Variants in ATP9B observed in about 807,000 individuals in gnomAD.
ATP9B encodes probable phospholipid-transporting ATPase IIB.
In ATP9B, 110 loss-of-function variants were observed where a neutral mutation model predicts 146.1. That is an observed-to-expected ratio of 0.75 (90% CI 0.65 to 0.88). ATP9B has a LOEUF of 0.88. Among genes scored for constraint, ATP9B ranks in the 40% least tolerant of loss-of-function variants. ATP9B has a pLI of 0.00. For synonymous variants in ATP9B, 604 were observed against 569.7 expected (o/e 1.06, Z -0.86); for missense variants, 1,499 against 1,496.4 (o/e 1.00, Z -0.03).
intron 13 of ATP9B, among the ~76,000 whole-genome samples, chr18:79,279,108 C>T (rs926267489): frequency 1.3e-5 from 2 of 152,146 alleles, no homozygotes; most frequent in South Asian, 4.1e-4. Flanking sequence ...CCACCGTGAG[C>T]GGCGCCTGTG....
rs1322943407 is a variant in ATP9B, at chr18:79,297,637, G to C, written c.1412-5967G>C. 5.3e-5 allele frequency among the ~76,000 whole-genome samples: 8 copies of C among 152,288 alleles called. No homozygotes were observed. The South Asian group carries it at 6.2e-4, about 12-fold the overall frequency. Reference sequence around the variant, plus strand: ...TTAATTTTACTATATTTAGATGTAGGGGTTTGTACTTTACAGATCAAAAAT... The same window carrying C: ...TTAATTTTACTATATTTAGATGTAGCGGTTTGTACTTTACAGATCAAAAAT... On this transcript the variant is annotated intron_variant, in intron 13 of 29. Coordinates refer to ENST00000426216, the MANE Select transcript of ATP9B (RefSeq NM_198531.5).
chr18:79,344,490 G>C, intron 21 of ATP9B, 136 bp downstream of exon 21: 2 of 804,296 alleles, frequency 2.5e-6, no homozygotes, highest in Non-Finnish European at 2.1e-6. Context: ...GTCTGTCTGT[G>C]TCTCTGAGGC....
intron 15 of ATP9B, among the ~76,000 whole-genome samples, chr18:79,328,050 C>G (rs1240287772): frequency 2.7e-5 from 4 of 149,284 alleles, no homozygotes; most frequent in African/African-American, 7.4e-5. Context: ...TTAGCGTGCT[C>G]TCTCTGGTTA....
At chr18:79,078,991 T>C (rs1419296733) in intron 1 of ATP9B, among the ~76,000 whole-genome samples, 3 of 152,222 alleles carry the variant, frequency 2.0e-5, no homozygotes, top group African/African-American at 7.2e-5. Context: ...GGACATGAAC[T>C]CATCCTTTTT....
At chr18:79,134,773 A>G (rs929237190) in intron 5 of ATP9B, among the ~76,000 whole-genome samples, 1 of 152,240 alleles carries the variant, frequency 6.6e-6, no homozygotes, top group African/African-American at 2.4e-5. Flanking sequence ...CACATGTAGC[A>G]AATGTTTTTA....
chr18:79,088,266 T>G (rs2074012149), intron 1 of ATP9B, among the ~76,000 whole-genome samples: 1 of 152,236 alleles, frequency 6.6e-6, no homozygotes, highest in Admixed American at 6.5e-5. Context: ...ACATAACTGT[T>G]GAATAACTTA....
In ATP9B at chr18:79,136,780, T is replaced by C. The variant is rs143945537; in HGVS notation, c.668-7022T>C. ...GACATACCCAAGACCGAGTAATTTA[T>C]AAGGAAAGAGGTTTAATTGACTCAC... On this transcript the variant is annotated intron_variant, in intron 5 of 29. Transcript: ENST00000426216. 4.8e-3 allele frequency among the ~76,000 whole-genome samples: 737 copies of C among 152,274 alleles called. 4 individuals are homozygous for C. The highest frequency in any genetic ancestry group is 0.025 in the South Asian group (119 of 4,830).
In ATP9B at chr18:79,091,703, G is replaced by A. The variant is rs541659270; in HGVS notation, c.120-4773G>A. Among the ~76,000 whole-genome samples, 19 of 152,228 alleles carry A rather than the reference G, an allele frequency of 1.2e-4. No homozygotes were observed. In the South Asian group the frequency reaches 2.3e-3, roughly 18 times the overall value. ...AATCTTTAGGTTTTTGCAAATATAC[G>A]TTCGTATCATCAGCAAACAAAGATA... On this transcript the variant is annotated intron_variant, in intron 1 of 29. Coordinates refer to ENST00000426216, the MANE Select transcript of ATP9B (RefSeq NM_198531.5).
intron 17 of ATP9B, among the ~76,000 whole-genome samples, chr18:79,333,479 G>A (rs1220208220): frequency 2.0e-5 from 3 of 152,180 alleles, no homozygotes; most frequent in Non-Finnish European, 4.4e-5. Context: ...ACTTGTTTAG[G>A]ATATCCTTGC....
At chr18:79,316,548 G>C (rs1399157762) in intron 15 of ATP9B, among the ~76,000 whole-genome samples, 1 of 152,098 alleles carries the variant, frequency 6.6e-6, no homozygotes, top group Admixed American at 6.5e-5. Flanking sequence ...AGATCAAAGT[G>C]GTCTCTGTGG....
In ATP9B at chr18:79,336,659, C is replaced by CCCT. The variant is rs1344305938; in HGVS notation, c.2062_2064dup (p.Leu688dup). ...AACATGGCTCGCGAAGGACTGCGGA[C>CCCT]CCTCGTGGTTGCAAAGAAGGCGTTG... On this transcript the variant is annotated inframe_insertion, in exon 18 of 30. Coordinates refer to ENST00000426216, the MANE Select transcript of ATP9B (RefSeq NM_198531.5). 1 of 1,612,286 alleles carries CCCT rather than the reference C, an allele frequency of 6.2e-7. No individual in the cohort carries two copies. The highest frequency in any genetic ancestry group is 8.5e-7 in the Non-Finnish European group (1 of 1,179,346).
chr18:79,081,102 A>C (rs1195275720), intron 1 of ATP9B, among the ~76,000 whole-genome samples: 1 of 152,118 alleles, frequency 6.6e-6, no homozygotes, highest in Non-Finnish European at 1.5e-5. Context: ...TGTCTCTGCC[A>C]GGTTTTGTTA....
chr18:79,346,314 G>A (rs757509501), intron 23 of ATP9B, among the ~76,000 whole-genome samples: 28 of 144,598 alleles, frequency 1.9e-4, no homozygotes, highest in Non-Finnish European at 3.4e-4. Context: ...TGGCACACTC[G>A]TTTAGCACAC....
chr18:79,140,350 T>C (rs1468122538), intron 5 of ATP9B, among the ~76,000 whole-genome samples: 3 of 152,208 alleles, frequency 2.0e-5, no homozygotes, highest in Non-Finnish European at 4.4e-5. Flanking sequence ...GGAATTTCTT[T>C]AGTTTTTTTC....
intron 1 of ATP9B, among the ~76,000 whole-genome samples, chr18:79,078,327 T>C (rs1374395138): frequency 6.6e-6 from 1 of 152,202 alleles, no homozygotes; most frequent in Non-Finnish European, 1.5e-5. Flanking sequence ...GCTAACTCTC[T>C]AGTACACAAC....
chr18:79,135,137 C>A (rs975389369), intron 5 of ATP9B, among the ~76,000 whole-genome samples: 4 of 152,230 alleles, frequency 2.6e-5, no homozygotes, highest in African/African-American at 9.6e-5. Context: ...GGACTCAGAA[C>A]ATGAGCTGGC....
At position 79,197,258 on chromosome 18, in the gene ATP9B, A is replaced by C. The variant is rs149583163; in HGVS notation, c.954+3995A>C. Among the ~76,000 whole-genome samples the C allele has an allele frequency of 3.4e-3, 513 of 152,276 alleles. 3 individuals are homozygous for C. The highest frequency in any genetic ancestry group is 0.012 in the African/African-American group (489 of 41,568). On this transcript the variant is annotated intron_variant, in intron 9 of 29. Transcript: ENST00000426216. Reference sequence around the variant, plus strand: ...GGAGAAATATAAACTGAAATTGGAGAATTTCTATAAAATATTGGTAATGGA... The same window carrying C: ...GGAGAAATATAAACTGAAATTGGAGCATTTCTATAAAATATTGGTAATGGA...
chr18:79,341,299 T>G, intron 19 of ATP9B, among the ~76,000 whole-genome samples: 2 of 138,320 alleles, frequency 1.4e-5, no homozygotes, highest in Admixed American at 7.3e-5. Flanking sequence ...CGACACACCA[T>G]TTAGTTGTGG....
intron 7 of ATP9B, among the ~76,000 whole-genome samples, chr18:79,165,351 G>A (rs1421916193): frequency 6.6e-6 from 1 of 152,134 alleles, no homozygotes; most frequent in African/African-American, 2.4e-5. Flanking sequence ...TGTCTCTGCT[G>A]TGGTGGGCAG....
Sources: allele counts gnomAD v4.1 joint callset (sites outside exome capture counted in the v4.1 genomes callset), GRCh38; gene constraint gnomAD v4.1.1; transcripts MANE v1.5; gene names NCBI Gene and HGNC (gene_info 2026-07-23, HGNC 2026-07-21).